The following SIX6 variants were observed in gnomAD, a reference collection of about 807,000 sequenced individuals.
SIX6 encodes homeobox protein SIX6.
A neutral mutation model predicts 23.6 loss-of-function variants in SIX6; 14 were observed. That is an observed-to-expected ratio of 0.59 (90% CI 0.39 to 0.93). SIX6 has a LOEUF of 0.93. Among genes scored for constraint, SIX6 ranks in the 40% least tolerant of loss-of-function variants. SIX6 has a pLI of 0.00. For synonymous variants in SIX6, 128 were observed against 144.9 expected, an observed-to-expected ratio of 0.88 and a Z score of 0.84; for missense variants, 307 against 325.6, an observed-to-expected ratio of 0.94 and a Z score of 0.44.
rs1893302583 is a variant in SIX6 at position 60,512,016 on chromosome 14, TATGTACCTATACAAAC to T, written c.*767_*782del. ...CAAATTACACGTATGTGCATATATG[TATGTACCTATACAAAC>T]ATATGTATGTACCTATACAAACATA... On this transcript the variant is annotated 3_prime_UTR_variant, in exon 2 of 2. Transcript: ENST00000327720. The T allele has an allele frequency of 2.7e-4, 1 of 3,750 alleles. No individual in the cohort carries two copies. The highest frequency in any genetic ancestry group is 1.9e-3 in the Non-Finnish European group (1 of 528). 0.2% of individuals were successfully genotyped at this position (3,750 alleles called of 1,614,324 possible).
In SIX6 at chr14:60,511,322, A is replaced by G; in HGVS notation, c.*70A>G. On this transcript the variant is annotated 3_prime_UTR_variant, in exon 2 of 2. Transcript: ENST00000327720. ...GAGAAAAACAAAATGAAAGAGGGGA[A>G]GAAGATGAGAGACCTGCAAATCCAG... The G allele has an allele frequency of 6.6e-7, 1 of 1,523,218 alleles. No individual in the cohort carries two copies. The highest frequency in any genetic ancestry group is 9.1e-7 in the Non-Finnish European group (1 of 1,098,776). The allele number at this position is 1,523,218 out of a possible 1,614,324, so 94.4% of individuals were successfully genotyped here. A position where few individuals can be genotyped will look rare whatever the true frequency, so the allele number is the denominator to read the frequency against.
chr14:60,510,753 A>G (rs7160408), intron 1 of SIX6, among the ~76,000 whole-genome samples: 131,182 of 152,270 alleles, frequency 0.86, 57,189 homozygotes, highest in Non-Finnish European at 0.92. Context: ...TGTCACCCAC[A>G]CTTCGTTTAT....
chr14:60,509,600 C>A lies in SIX6; in HGVS notation c.202C>A (p.Arg68Ser), dbSNP rs1411196233. ...CGTGGCCTTTCACGGTGGCAACTAC[C>A]GCGAGCTCTATCATATCCTGGAAAA... is the stretch of plus-strand genomic sequence containing the variant. The part of the protein sequence containing the change: ...AIVAFHGGNY[R>S]ELYHILENHK... Residue 68 changes from arginine (R) to serine (S), a missense_variant, in exon 1 of 2, where the codon CGC (arginine) becomes AGC (serine). Physicochemically the swap from Arg to Ser is moderately radical, Grantham distance 110. Transcript: ENST00000327720. The A allele has an allele frequency of 1.2e-6, 2 of 1,613,524 alleles. No individual in the cohort carries two copies. Among genetic ancestry groups the A allele is most frequent in the Non-Finnish European group, 8.5e-7 (1 of 1,180,020 alleles).
intron 1 of SIX6, 122 bp from the exon 2 acceptor site, chr14:60,510,962 A>T: frequency 2.0e-6 from 2 of 1,013,276 alleles, no homozygotes; most frequent in Non-Finnish European, 2.9e-6. Flanking sequence ...TCCTCGCCTT[A>T]ACTGCTGGGG....
chr14:60,510,006 C>T, intron 1 of SIX6, 36 bp downstream of exon 1: 1 of 1,553,234 alleles, frequency 6.4e-7, no homozygotes, highest in Non-Finnish European at 8.8e-7. Flanking sequence ...TTGAGCGCAC[C>T]GGGGAGGAGG....
chr14:60,511,384 C>A lies in SIX6; in HGVS notation c.*132C>A. On this transcript the variant is annotated 3_prime_UTR_variant, in exon 2 of 2. Coordinates refer to ENST00000327720, the MANE Select transcript of SIX6 (RefSeq NM_007374.3). ...CCAGGTGACCAGGGACCCGCGGGCT[C>A]GGGTTGCCGTTTCCCGCCCCACCCC... 3 of 1,152,068 alleles carry A rather than the reference C, an allele frequency of 2.6e-6. No individual in the cohort carries two copies. Among genetic ancestry groups the A allele is most frequent in the Admixed American group, 3.9e-5 (2 of 51,440 alleles). 71.4% of individuals were successfully genotyped at this position (1,152,068 alleles called of 1,614,324 possible).
In SIX6 at chr14:60,511,460, G is replaced by A. The variant is rs1893293873; in HGVS notation, c.*208G>A. ...CCTTTGGCCGCGACCACGGGAACCAGCGGTGAGGCCTGACCCAGCACCACG... is the reference window on the plus strand; with the variant it reads ...CCTTTGGCCGCGACCACGGGAACCAACGGTGAGGCCTGACCCAGCACCACG... On this transcript the variant is annotated 3_prime_UTR_variant, in exon 2 of 2. Transcript: ENST00000327720. 1 of 652,936 alleles carries A rather than the reference G, an allele frequency of 1.5e-6. No individual in the cohort carries two copies. Among genetic ancestry groups the A allele is most frequent in the Non-Finnish European group, 2.7e-6 (1 of 365,360 alleles). The allele number at this position is 652,936 out of a possible 1,614,324, so 40.4% of individuals were successfully genotyped here. A position where few individuals can be genotyped will look rare whatever the true frequency, so the allele number is the denominator to read the frequency against.
chr14:60,511,875 G>C lies in SIX6; in HGVS notation c.*623G>C, dbSNP rs1893299522. 1 of 157,816 alleles carries C rather than the reference G, an allele frequency of 6.3e-6. No individual in the cohort carries two copies. The allele number at this position is 157,816 out of a possible 1,614,324, so 9.8% of individuals were successfully genotyped here. On this transcript the variant is annotated 3_prime_UTR_variant, in exon 2 of 2. Transcript: ENST00000327720. ...ATCATTCCCTTCACCAGGCATGCAG[G>C]GACCCTTGAGCAAATGGTCTCCGGA...
Position 60,511,232 on chromosome 14 carries a change from G to C in SIX6, c.721G>C (p.Asp241His). ...ATSAISITSS[D>H]SECDI ...TTCAGCCATCTCCATCACGTCCAGC[G>C]ACAGCGAGTGCGACATCTGAGTTGC... is the stretch of plus-strand genomic sequence containing the variant. The change falls in exon 2 of 2, where the codon GAC becomes CAC. Residue 241 changes from aspartate (D) to histidine (H), a missense_variant. Asp to His is a moderately conservative substitution (Grantham distance 81). Transcript: ENST00000327720. 1 of 1,613,406 alleles carries C rather than the reference G, an allele frequency of 6.2e-7. No individual in the cohort carries two copies. The highest frequency in any genetic ancestry group is 2.2e-5 in the East Asian group (1 of 44,874).
intron 1 of SIX6, 90 bp from the exon 2 acceptor site, chr14:60,510,994 G>T: frequency 1.5e-6 from 2 of 1,365,048 alleles, no homozygotes; most frequent in Non-Finnish European, 2.0e-6. Context: ...ACCTCTAGCC[G>T]CCGGGCTGGA....
rs1051598742 is a variant in SIX6 at position 60,512,740 on chromosome 14, G to A, written c.*1488G>A. The A allele has an allele frequency of 2.6e-5, 4 of 152,132 alleles. No individual in the cohort carries two copies. Among genetic ancestry groups the A allele is most frequent in the East Asian group, 1.9e-4 (1 of 5,196 alleles). The allele number at this position is 152,132 out of a possible 1,614,324, so 9.4% of individuals were successfully genotyped here. A position where few individuals can be genotyped will look rare whatever the true frequency, so the allele number is the denominator to read the frequency against. ...ATGAACAAATGCATGCATATACAAC[G>A]CAAAAACATCTACCATCTTTGCACT... On this transcript the variant is annotated 3_prime_UTR_variant, in exon 2 of 2. Transcript: ENST00000327720.
Position 60,509,208 on chromosome 14 carries a change from C to T in SIX6, c.-191C>T, listed in dbSNP as rs1317491721. ...CGAGCCGAGCCCGAACCCCAAGCCG[C>T]GGAGCCAGCACCTCCTCCAGTCGGG... On this transcript the variant is annotated 5_prime_UTR_variant, in exon 1 of 2. Coordinates refer to ENST00000327720, the MANE Select transcript of SIX6 (RefSeq NM_007374.3). 1.7e-6 allele frequency: 1 copy of T among 605,164 alleles called. No individual in the cohort carries two copies. The highest frequency in any genetic ancestry group is 1.9e-5 in the South Asian group (1 of 51,352). 37.5% of individuals were successfully genotyped at this position (605,164 alleles called of 1,614,324 possible). A position where few individuals can be genotyped will look rare whatever the true frequency, so the allele number is the denominator to read the frequency against.
At position 60,511,226 on chromosome 14, in the gene SIX6, T is replaced by C. The variant is rs1893289627; in HGVS notation, c.715T>C (p.Ser239Pro). The C allele has an allele frequency of 1.2e-6, 2 of 1,613,244 alleles. No homozygotes were observed. The highest frequency in any genetic ancestry group is 2.2e-5 in the East Asian group (1 of 44,882). Residue 239 changes from serine (S) to proline (P), a missense_variant, in exon 2 of 2, where the codon TCC (serine) becomes CCC (proline). Transcript: ENST00000327720. ...GGCCACTTCAGCCATCTCCATCACG[T>C]CCAGCGACAGCGAGTGCGACATCTG... is the stretch of plus-strand genomic sequence containing the variant. Reference protein sequence around the residue: ...KAATSAISITSSDSECDI With the variant: ...KAATSAISITPSDSECDI
rs1893263138 is a variant in SIX6 at position 60,509,822 on chromosome 14, C to T, written c.424C>T (p.Leu142=). 1 of 1,613,786 alleles carries T rather than the reference C, an allele frequency of 6.2e-7. No individual in the cohort carries two copies. The highest frequency in any genetic ancestry group is 1.3e-5 in the African/African-American group (1 of 74,926). The change falls in exon 1 of 2, where the codon CTG becomes TTG. Residue 142 remains leucine (L), a synonymous_variant. Transcript: ENST00000327720. The part of the protein sequence containing the change: ...THCFKERTRH[L]LREWYLQDPY... ...CTGCTTCAAGGAGCGCACGCGGCAC[C>T]TGCTACGCGAGTGGTACCTGCAGGA...
At chr14:60,510,945 C>G (rs1566691451) in intron 1 of SIX6, 139 bp from the exon 2 acceptor site, 4 of 868,322 alleles carry the variant, frequency 4.6e-6, no homozygotes, top group Admixed American at 2.4e-5. Context: ...GTCGCCTTGC[C>G]GAGTAATCCT....
chr14:60,511,484 C>T lies in SIX6; in HGVS notation c.*232C>T, dbSNP rs886050564. Reference sequence around the variant, plus strand: ...AGCGGTGAGGCCTGACCCAGCACCACGTTCTTCTTGCTTTGCTTTTTCCTA... The same window carrying T: ...AGCGGTGAGGCCTGACCCAGCACCATGTTCTTCTTGCTTTGCTTTTTCCTA... On this transcript the variant is annotated 3_prime_UTR_variant, in exon 2 of 2. Transcript: ENST00000327720. The T allele has an allele frequency of 1.7e-6, 1 of 605,502 alleles. No individual in the cohort carries two copies. The highest frequency in any genetic ancestry group is 2.9e-6 in the Non-Finnish European group (1 of 341,410). The allele number at this position is 605,502 out of a possible 1,614,324, so 37.5% of individuals were successfully genotyped here.
In SIX6 at chr14:60,509,803, C is replaced by T; in HGVS notation, c.405C>T (p.Phe135=). ...ACGGCGAACAGAAGACACACTGCTT[C>T]AAGGAGCGCACGCGGCACCTGCTAC... ...IWDGEQKTHC[F]KERTRHLLRE... The change falls in exon 1 of 2, where the codon TTC becomes TTT. Residue 135 remains phenylalanine (F), a synonymous_variant. Transcript: ENST00000327720. The T allele has an allele frequency of 1.2e-6, 2 of 1,613,842 alleles. No homozygotes were observed. Among genetic ancestry groups the T allele is most frequent in the Non-Finnish European group, 1.7e-6 (2 of 1,179,752 alleles).
At position 60,511,902 on chromosome 14, in the gene SIX6, G is replaced by A. The variant is rs938909366; in HGVS notation, c.*650G>A. ...ACCCTTGAGCAAATGGTCTCCGGAA[G>A]GTCTTACCTATATATCTTTTGCCTT... On this transcript the variant is annotated 3_prime_UTR_variant, in exon 2 of 2. Coordinates refer to ENST00000327720, the MANE Select transcript of SIX6 (RefSeq NM_007374.3). 13 of 156,964 alleles carry A rather than the reference G, an allele frequency of 8.3e-5. No homozygotes were observed. The highest frequency in any genetic ancestry group is 3.1e-4 in the African/African-American group (13 of 41,416). 9.7% of individuals were successfully genotyped at this position (156,964 alleles called of 1,614,324 possible).
In SIX6 at chr14:60,509,242, C is replaced by A; in HGVS notation, c.-157C>A. On this transcript the variant is annotated 5_prime_UTR_variant, in exon 1 of 2. Transcript: ENST00000327720. The stretch of plus-strand genomic sequence containing the variant: ...CACCTCCTCCAGTCGGGGTCGTCCG[C>A]TCCCGGCCGTTGAGCCACCGCCGCC... 1.5e-6 allele frequency: 1 copy of A among 679,476 alleles called. No homozygotes were observed. The highest frequency in any genetic ancestry group is 2.6e-6 in the Non-Finnish European group (1 of 389,488). 42.1% of individuals were successfully genotyped at this position (679,476 alleles called of 1,614,324 possible).
Sources: allele counts gnomAD v4.1 joint callset (sites outside exome capture counted in the v4.1 genomes callset), GRCh38; gene constraint gnomAD v4.1.1; transcripts MANE v1.5; gene names NCBI Gene and HGNC (gene_info 2026-07-23, HGNC 2026-07-21).